Variants in DOCK11 observed in about 807,000 individuals in gnomAD.
DOCK11 encodes the protein dedicator of cytokinesis protein 11.
DOCK11 carries 70 observed loss-of-function variants against 169.1 expected under a neutral mutation model. That is an observed-to-expected ratio of 0.41 (90% CI 0.34 to 0.51). DOCK11 has a LOEUF of 0.51. Among genes scored for constraint, DOCK11 ranks in the 20% least tolerant of loss-of-function variants. The probability of loss-of-function intolerance (pLI) is 0.10; values close to 1 mark genes in which losing one functional copy is unlikely to be tolerated. For missense variants in DOCK11, 1,166 were observed against 1,538.8 expected (o/e 0.76, Z 4.05); for synonymous variants, 529 against 541.3 (o/e 0.98, Z 0.32).
chrX:118,586,426 C>G (rs1407394998), intron 16 of DOCK11, among the ~76,000 whole-genome samples: 10 of 110,764 alleles, frequency 9.0e-5, no homozygotes, highest in African/African-American at 3.3e-4. Flanking sequence ...GAGGAACTTC[C>G]AAACACTTAT....
chrX:118,565,060 C>G (rs993943173), intron 7 of DOCK11, among the ~76,000 whole-genome samples: 4 of 110,131 alleles, frequency 3.6e-5, no homozygotes, highest in African/African-American at 9.9e-5. Context: ...CTCAGCCCCA[C>G]GAGTAGCTGG....
At chrX:118,679,808 A>G (rs1417070892) in intron 48 of DOCK11, among the ~76,000 whole-genome samples, 1 of 110,962 alleles carries the variant, frequency 9.0e-6, no homozygotes, top group African/African-American at 3.3e-5. Context: ...CACAATCAAA[A>G]CTGTTTAGTC....
intron 46 of DOCK11, among the ~76,000 whole-genome samples, chrX:118,672,996 G>A (rs1405485128): frequency 9.0e-6 from 1 of 111,580 alleles, no homozygotes; most frequent in East Asian, 2.8e-4. Context: ...CATACAGATG[G>A]CAAAGAATAG....
intron 40 of DOCK11, among the ~76,000 whole-genome samples, chrX:118,648,284 A>G (rs2015846946): frequency 1.1e-5 from 1 of 90,026 alleles, no homozygotes; most frequent in South Asian, 4.4e-4. Context: ...TATAGTGGCA[A>G]TTACTTTTGC....
intron 45 of DOCK11, among the ~76,000 whole-genome samples, chrX:118,666,163 A>C (rs1184569727): frequency 8.9e-6 from 1 of 112,070 alleles, no homozygotes; most frequent in African/African-American, 3.2e-5. Flanking sequence ...AGGCTGAGGC[A>C]CAAGAATCTC....
At chrX:118,516,391 G>T (rs1452835245) in intron 1 of DOCK11, among the ~76,000 whole-genome samples, 4 of 89,561 alleles carry the variant, frequency 4.5e-5, no homozygotes, top group African/African-American at 1.4e-4. Context: ...CACTGCACCC[G>T]GCCTCCTCCT....
intron 44 of DOCK11, among the ~76,000 whole-genome samples, chrX:118,656,267 TAATA>T (rs749224053): frequency 7.4e-5 from 8 of 108,080 alleles, no homozygotes; most frequent in East Asian, 2.8e-4. Context: ...TCTCAAAAAA[TAATA>T]AATAAATAAA....
At chrX:118,516,237 C>T (rs1293360829) in intron 1 of DOCK11, among the ~76,000 whole-genome samples, 1 of 101,075 alleles carries the variant, frequency 9.9e-6, no homozygotes, top group Non-Finnish European at 2.0e-5. Flanking sequence ...GGACTACAGG[C>T]GCCCACCACC....
chrX:118,544,810 G>A (rs369011007), intron 4 of DOCK11, among the ~76,000 whole-genome samples: 1 of 105,083 alleles, frequency 9.5e-6, no homozygotes, highest in African/African-American at 3.5e-5. Flanking sequence ...ACAGGCACCC[G>A]CCATCACCCC....
At chrX:118,512,073 G>A (rs996398575) in intron 1 of DOCK11, among the ~76,000 whole-genome samples, 15 of 111,614 alleles carry the variant, frequency 1.3e-4, no homozygotes, top group South Asian at 1.1e-3. Context: ...GCCGCCATGC[G>A]TGTATTTTAG....
At chrX:118,548,541 G>A (rs776336029) in intron 6 of DOCK11, among the ~76,000 whole-genome samples, 1 of 111,535 alleles carries the variant, frequency 9.0e-6, no homozygotes, top group Admixed American at 9.5e-5. Context: ...GGAAAGAGAT[G>A]TAAGGATAGT....
chrX:118,674,307 G>A (rs933991298), intron 46 of DOCK11, among the ~76,000 whole-genome samples: 5 of 110,671 alleles, frequency 4.5e-5, no homozygotes, highest in African/African-American at 1.3e-4. Flanking sequence ...CACCACTCCC[G>A]GCTAATTTTT....
intron 19 of DOCK11, among the ~76,000 whole-genome samples, chrX:118,591,738 C>T (rs1248245100): frequency 3.3e-5 from 3 of 92,072 alleles, no homozygotes; most frequent in Admixed American, 1.3e-4. Flanking sequence ...CCCATTAACT[C>T]GTCATTTAGC....
Position 118,610,353 on chromosome X carries a change from A to AT in DOCK11, c.3033dup (p.Arg1012SerfsTer8), listed in dbSNP as rs773623807. 5 of 1,210,859 alleles carry AT rather than the reference A, an allele frequency of 4.1e-6. No individual in the cohort carries two copies. Among genetic ancestry groups the AT allele is most frequent in the Non-Finnish European group, 4.5e-6 (4 of 894,951 alleles). On this transcript the variant is annotated frameshift_variant, in exon 28 of 53. Coordinates refer to ENST00000276202, the MANE Select transcript of DOCK11 (RefSeq NM_144658.4). LOFTEE classifies it high-confidence loss of function. ...TCTTGCAATAATTCCCCATGTGACTATTCGGTATGCGGAGATTCCCGATGA... is the reference window on the plus strand; with the variant it reads ...TCTTGCAATAATTCCCCATGTGACTATTTCGGTATGCGGAGATTCCCGATGA...
intron 40 of DOCK11, among the ~76,000 whole-genome samples, chrX:118,648,194 A>AG (rs2015837441): frequency 1.4e-5 from 1 of 71,576 alleles, no homozygotes; most frequent in African/African-American, 6.5e-5. Context: ...ATATAATAAT[A>AG]TAATATATAA....
intron 15 of DOCK11, 46 bp from the exon 16 acceptor site, chrX:118,584,995 C>T (rs940521851): frequency 5.2e-6 from 6 of 1,160,200 alleles, no homozygotes; most frequent in Non-Finnish European, 7.0e-6. Context: ...CCAGTGCATT[C>T]AGTAATCATA....
chrX:118,632,053 C>G (rs2015255596), intron 35 of DOCK11, among the ~76,000 whole-genome samples: 1 of 111,555 alleles, frequency 9.0e-6, no homozygotes, highest in African/African-American at 3.3e-5. Flanking sequence ...CTCCCAGGTT[C>G]AAGTGATTCT....
chrX:118,590,077 A>G (rs1041976126), intron 18 of DOCK11, 133 bp from the exon 19 acceptor site: 3 of 490,166 alleles, frequency 6.1e-6, no homozygotes, highest in African/African-American at 4.8e-5. Flanking sequence ...GGGAATTTAC[A>G]GGCTCACGGT....
At chrX:118,594,588 G>A (rs2014101545) in intron 20 of DOCK11, among the ~76,000 whole-genome samples, 1 of 111,784 alleles carries the variant, frequency 8.9e-6, no homozygotes, top group African/African-American at 3.3e-5. Flanking sequence ...ACAAGATATT[G>A]TAGTAGGCAC....
Sources: allele counts gnomAD v4.1 joint callset (sites outside exome capture counted in the v4.1 genomes callset), GRCh38; gene constraint gnomAD v4.1.1; transcripts MANE v1.5; gene names NCBI Gene and HGNC (gene_info 2026-07-23, HGNC 2026-07-21).